Variants in TASP1 observed in about 807,000 individuals in gnomAD.
The protein encoded by TASP1 is threonine aspartase 1.
A neutral mutation model predicts 56.6 loss-of-function variants in TASP1; 16 were observed. The observed-to-expected ratio is 0.28, with a 90% CI of 0.19 to 0.43. The LOEUF is 0.43. TASP1 is among the 20% of genes least tolerant of loss of function. The pLI is 1.00. For synonymous variants in TASP1, 179 were observed against 184.2 expected, an observed-to-expected ratio of 0.97 and a Z score of 0.23; for missense variants, 393 against 511.6, an observed-to-expected ratio of 0.77 and a Z score of 2.24.
At chr20:13,547,469 T>C (rs1161566690) in intron 8 of TASP1, among the ~76,000 whole-genome samples, 1 of 152,138 alleles carries the variant, frequency 6.6e-6, no homozygotes, top group Admixed American at 6.6e-5. Context: ...AAGAGAAATA[T>C]ATTTGGTGAG....
chr20:13,522,561 C>T (rs2044805213), intron 10 of TASP1, among the ~76,000 whole-genome samples: 1 of 152,120 alleles, frequency 6.6e-6, no homozygotes, highest in Admixed American at 6.6e-5. Flanking sequence ...GAAAATATTT[C>T]AAGAGAACAC....
At chr20:13,189,790 C>T in the TASP1 span, among the ~76,000 whole-genome samples, 1 of 152,062 alleles carries the variant, frequency 6.6e-6, no homozygotes, top group African/African-American at 2.4e-5. Flanking sequence ...CTCAGCAATC[C>T]CATTATTAGA....
chr20:13,576,342 GAAGAAAGA>G (rs71188165), intron 6 of TASP1, among the ~76,000 whole-genome samples: 6,413 of 131,642 alleles, frequency 0.049, 198 homozygotes, highest in African/African-American at 0.076. Flanking sequence ...AGAAAGAAAG[GAAGAAAGA>G]AAGAAAGAAA....
rs142052716 is a variant in TASP1 at position 13,608,817 on chromosome 20, C to G, written c.282+14629G>C. Among the ~76,000 whole-genome samples, 452 of 152,334 alleles carry G rather than the reference C, an allele frequency of 3.0e-3. 2 individuals are homozygous for G. Among genetic ancestry groups the G allele is most frequent in the African/African-American group, 0.01 (420 of 41,584 alleles). ...GCAGTGAACGAAACAGAAAAACATT[C>G]TTACCTACATGGAGCCTCAATTCTA... On this transcript the variant is annotated intron_variant, in intron 4 of 13. Transcript: ENST00000337743.
At chr20:13,221,350 A>G in the TASP1 span, among the ~76,000 whole-genome samples, 2 of 141,722 alleles carry the variant, frequency 1.4e-5, no homozygotes, top group Non-Finnish European at 3.1e-5. Context: ...TGGGGCGCCC[A>G]TGTGCGCTCG....
At chr20:13,557,763 G>A (rs2147061285) in intron 8 of TASP1, among the ~76,000 whole-genome samples, 1 of 151,304 alleles carries the variant, frequency 6.6e-6, no homozygotes, top group South Asian at 2.1e-4. Context: ...TGTACAGATG[G>A]GGTTTTCCTT....
At chr20:13,230,533 G>A in the TASP1 span, among the ~76,000 whole-genome samples, 1 of 151,778 alleles carries the variant, frequency 6.6e-6, no homozygotes, top group Admixed American at 6.6e-5. Flanking sequence ...CTTGGCTTAG[G>A]GTTTACAAAT....
At chr20:13,593,969 T>C (rs1421527881) in intron 4 of TASP1, among the ~76,000 whole-genome samples, 2 of 152,170 alleles carry the variant, frequency 1.3e-5, no homozygotes, top group Non-Finnish European at 1.5e-5. Flanking sequence ...AGACACCTCA[T>C]ACAGGTGGGT....
intron 13 of TASP1, among the ~76,000 whole-genome samples, chr20:13,417,150 CCA>C (rs1343618651): frequency 6.6e-6 from 1 of 152,184 alleles, no homozygotes; most frequent in Non-Finnish European, 1.5e-5. Flanking sequence ...TTCCCAAACC[CCA>C]GTTTCCTCTT....
At chr20:13,489,856 A>G (rs1255299990) in intron 10 of TASP1, among the ~76,000 whole-genome samples, 1 of 152,220 alleles carries the variant, frequency 6.6e-6, no homozygotes, top group Non-Finnish European at 1.5e-5. Flanking sequence ...ATCTAGCTCC[A>G]GAACTTTTTC....
the TASP1 span, among the ~76,000 whole-genome samples, chr20:13,377,249 C>T: frequency 6.6e-6 from 1 of 152,144 alleles, no homozygotes; most frequent in African/African-American, 2.4e-5. Context: ...TACATTCCAT[C>T]GATACCTAGT....
the TASP1 span, among the ~76,000 whole-genome samples, chr20:13,215,574 G>C: frequency 6.6e-6 from 1 of 152,208 alleles, no homozygotes; most frequent in South Asian, 2.1e-4. Context: ...TGCAGTAAAG[G>C]AGTCTGGCAT....
chr20:13,262,120 T>A, the TASP1 span, among the ~76,000 whole-genome samples: 1 of 152,336 alleles, frequency 6.6e-6, no homozygotes, highest in East Asian at 1.9e-4. Context: ...TCTGTTTTCT[T>A]TGCCGGTAAT....
At chr20:13,224,562 TAATC>T in the TASP1 span, among the ~76,000 whole-genome samples, 4 of 152,222 alleles carry the variant, frequency 2.6e-5, no homozygotes, top group Non-Finnish European at 5.9e-5. Context: ...ATCAGAAAAT[TAATC>T]AATCCATATA....
intron 4 of TASP1, among the ~76,000 whole-genome samples, chr20:13,601,893 T>TA (rs2047973182): frequency 1.9e-5 from 2 of 107,006 alleles, no homozygotes; most frequent in Non-Finnish European, 3.6e-5. Context: ...TTTTTTTTTT[T>TA]TGAGACAGAG....
the TASP1 span, among the ~76,000 whole-genome samples, chr20:13,360,234 T>C: frequency 0.016 from 2,481 of 151,214 alleles, 20 homozygotes; most frequent in Middle Eastern, 0.051. Context: ...GCACCCTTAA[T>C]CCCAGCCTCT....
chr20:13,184,457 G>T, the TASP1 span, among the ~76,000 whole-genome samples: 22 of 152,128 alleles, frequency 1.4e-4, no homozygotes, highest in Middle Eastern at 6.8e-3. Flanking sequence ...AGCCCTTCAG[G>T]TTGAATGAAT....
chr20:13,323,347 C>T, the TASP1 span, among the ~76,000 whole-genome samples: 4 of 152,084 alleles, frequency 2.6e-5, no homozygotes, highest in Non-Finnish European at 5.9e-5. Flanking sequence ...CGGAGCAAGG[C>T]AAGAAAGTTG....
the TASP1 span, among the ~76,000 whole-genome samples, chr20:13,337,980 AC>A: frequency 7.3e-4 from 111 of 152,158 alleles, 2 homozygotes; most frequent in Admixed American, 7.3e-3. Flanking sequence ...CCTGATCGAG[AC>A]CCCAAGAGAG....
Sources: allele counts gnomAD v4.1 joint callset (sites outside exome capture counted in the v4.1 genomes callset), GRCh38; gene constraint gnomAD v4.1.1; transcripts MANE v1.5; gene names NCBI Gene and HGNC (gene_info 2026-07-23, HGNC 2026-07-21).